ERO1A: variants seen among roughly 807,000 people sequenced by gnomAD.
ERO1A encodes ERO1-like protein alpha.
In ERO1A, 49 loss-of-function variants were observed where a neutral mutation model predicts 76.9. That is an observed-to-expected ratio of 0.64 (90% CI 0.51 to 0.81). The LOEUF is 0.81. Ranked by LOEUF, ERO1A falls within the 30% of genes least tolerant of loss-of-function variation. ERO1A has a pLI of 0.00. For synonymous variants in ERO1A, 174 were observed against 181.2 expected (o/e 0.96, Z 0.32); for missense variants, 448 against 542.1 (o/e 0.83, Z 1.72).
At chr14:52,666,322 A>T (rs916186462) in intron 7 of ERO1A, 53 bp downstream of exon 7, 1 of 1,300,368 alleles carries the variant, frequency 7.7e-7, no homozygotes, top group African/African-American at 1.5e-5. Context: ...TTTGTTTATA[A>T]AGAGAAATCA....
In ERO1A at chr14:52,663,040, T is replaced by C. The variant is rs941504265; in HGVS notation, c.676+761A>G. 2.0e-5 allele frequency among the ~76,000 whole-genome samples: 3 copies of C among 152,142 alleles called. No homozygotes were observed. The East Asian group carries it at 5.8e-4, about 29-fold the overall frequency. Reference sequence around the variant, plus strand: ...GTTACAAGGACCAGGGAAAGTTTTATGGAAAAAGCAGCATTTGAGCCAGAC... The same window carrying C: ...GTTACAAGGACCAGGGAAAGTTTTACGGAAAAAGCAGCATTTGAGCCAGAC... On this transcript the variant is annotated intron_variant, in intron 8 of 15. Coordinates refer to ENST00000395686, the MANE Select transcript of ERO1A (RefSeq NM_014584.3).
intron 7 of ERO1A, among the ~76,000 whole-genome samples, chr14:52,664,539 A>T (rs2040337962): frequency 6.6e-6 from 1 of 152,248 alleles, no homozygotes; most frequent in Admixed American, 6.5e-5. Flanking sequence ...TGTATTTTAA[A>T]ATACACAATA....
intron 15 of ERO1A, among the ~76,000 whole-genome samples, chr14:52,645,716 T>A (rs561789805): frequency 5.3e-4 from 81 of 152,026 alleles, no homozygotes; most frequent in Non-Finnish European, 9.4e-4. Context: ...TCAAAAAAAA[T>A]ATTCCTGGCT....
intron 3 of ERO1A, 45 bp downstream of exon 3, chr14:52,682,280 A>G: frequency 1.4e-6 from 2 of 1,388,350 alleles, no homozygotes; most frequent in Non-Finnish European, 2.0e-6. Context: ...GTTATAATGA[A>G]TGAAAAAACA....
intron 15 of ERO1A, among the ~76,000 whole-genome samples, chr14:52,644,410 G>A (rs543068524): frequency 1.5e-4 from 23 of 152,202 alleles, no homozygotes; most frequent in African/African-American, 5.1e-4. Context: ...CTGAGATCAC[G>A]TCGGTCAATC....
chr14:52,680,546 A>C (rs1442088305), intron 3 of ERO1A, among the ~76,000 whole-genome samples: 1 of 152,206 alleles, frequency 6.6e-6, no homozygotes, highest in Admixed American at 6.5e-5. Context: ...AAGCTCATTT[A>C]ATGAACAAGT....
At chr14:52,662,443 A>G (rs574996267) in intron 8 of ERO1A, among the ~76,000 whole-genome samples, 33 of 152,338 alleles carry the variant, frequency 2.2e-4, no homozygotes, top group African/African-American at 7.9e-4. Context: ...GAGGAAATTT[A>G]TATTTATTAT....
intron 9 of ERO1A, among the ~76,000 whole-genome samples, chr14:52,660,782 T>C (rs868375620): frequency 2.0e-5 from 3 of 152,326 alleles, no homozygotes; most frequent in Non-Finnish European, 2.9e-5. Context: ...GAATAACAAA[T>C]GTCATTTCAT....
intron 1 of ERO1A, among the ~76,000 whole-genome samples, chr14:52,690,046 T>A (rs940131779): frequency 1.3e-5 from 2 of 151,960 alleles, no homozygotes; most frequent in Non-Finnish European, 2.9e-5. Flanking sequence ...CAATAAATGG[T>A]GGTGGGAAAA....
rs563614738 is a variant in ERO1A, at chr14:52,695,443, G to A, written c.39C>T (p.Gly13=). 47 of 1,548,598 alleles carry A rather than the reference G, an allele frequency of 3.0e-5. No homozygotes were observed. Among genetic ancestry groups the A allele is most frequent in the Admixed American group, 1.9e-4 (10 of 52,084 alleles). Residue 13 remains glycine, a synonymous_variant, in exon 1 of 16, where the codon GGC becomes GGT. Transcript: ENST00000395686. Reference sequence around the variant, plus strand: ...GGCCCGAGCTGAGCAGCCACACGGCGCCCAGGAGGCCAAACAAGAATCCCC... The same window carrying A: ...GGCCCGAGCTGAGCAGCCACACGGCACCCAGGAGGCCAAACAAGAATCCCC... ...RGWGFLFGLL[G]AVWLLSSGHG...
chr14:52,669,961 C>T (rs2040541635), intron 6 of ERO1A, among the ~76,000 whole-genome samples: 1 of 152,160 alleles, frequency 6.6e-6, no homozygotes. Context: ...CTCACTCTGT[C>T]CTAGGCTTGG....
At chr14:52,652,133 A>G in intron 13 of ERO1A, 106 bp downstream of exon 13, 1 of 620,332 alleles carries the variant, frequency 1.6e-6, no homozygotes, top group Non-Finnish European at 2.8e-6. Flanking sequence ...CCCCTGGCCT[A>G]CTCTCTACTT....
At chr14:52,654,106 T>C (rs2039965425) in intron 11 of ERO1A, among the ~76,000 whole-genome samples, 1 of 152,150 alleles carries the variant, frequency 6.6e-6, no homozygotes, top group South Asian at 2.1e-4. Flanking sequence ...ATCTATACTC[T>C]GCTTTTTATT....
At chr14:52,659,586 A>C (rs2040163707) in intron 9 of ERO1A, among the ~76,000 whole-genome samples, 1 of 152,154 alleles carries the variant, frequency 6.6e-6, no homozygotes, top group Admixed American at 6.5e-5. Flanking sequence ...TTGGTGAAAG[A>C]ATTAAATAAA....
intron 1 of ERO1A, among the ~76,000 whole-genome samples, chr14:52,687,472 A>C (rs1439477343): frequency 1.3e-5 from 2 of 152,166 alleles, no homozygotes; most frequent in African/African-American, 4.8e-5. Flanking sequence ...GGGCTAAGGT[A>C]AAATACAGTT....
At chr14:52,650,326 TTTA>T (rs138339468) in intron 13 of ERO1A, among the ~76,000 whole-genome samples, 10,566 of 151,804 alleles carry the variant, frequency 0.07, 548 homozygotes, top group South Asian at 0.23. Flanking sequence ...ATCTAGTATC[TTTA>T]TTAAGACAAA....
chr14:52,682,306 AT>A lies in ERO1A; in HGVS notation c.318+18del, dbSNP rs775435591. ...TGAAAAAACATGTAACAGTTTTTAA[AT>A]GTATACATGGTTCTTACAGATTGAC... On this transcript the variant is annotated intron_variant, in intron 3 of 15. Transcript: ENST00000395686. 1.3e-6 allele frequency: 2 copies of A among 1,520,490 alleles called. No homozygotes were observed. Among genetic ancestry groups the A allele is most frequent in the Non-Finnish European group, 1.8e-6 (2 of 1,114,364 alleles). 94.2% of individuals were successfully genotyped at this position (1,520,490 alleles called of 1,614,324 possible).
chr14:52,654,622 T>C (rs1019737837), intron 11 of ERO1A, among the ~76,000 whole-genome samples: 1 of 152,206 alleles, frequency 6.6e-6, no homozygotes, highest in Non-Finnish European at 1.5e-5. Flanking sequence ...ACAGTTAGTT[T>C]GTAAGTTCAA....
chr14:52,669,261 G>A (rs1426288468), intron 6 of ERO1A, among the ~76,000 whole-genome samples: 2 of 152,026 alleles, frequency 1.3e-5, no homozygotes, highest in Non-Finnish European at 2.9e-5. Context: ...ATGAATCATT[G>A]ATTCTCACCT....
Sources: gnomAD v4.1 joint callset for allele counts (sites outside exome capture counted in the v4.1 genomes callset) on GRCh38, gnomAD v4.1.1 for gene constraint, MANE v1.5 for transcripts, NCBI Gene and HGNC (gene_info 2026-07-23, HGNC 2026-07-21) for gene names.